SQSTM1: variants seen among roughly 807,000 people sequenced by gnomAD.
The protein encoded by SQSTM1 is sequestosome 1, also known as sequestosome-1.
A neutral mutation model predicts 45.1 loss-of-function variants in SQSTM1; 36 were observed. The ratio of observed to expected loss-of-function variants is 0.80; its 90% CI spans 0.61 to 1.05. SQSTM1 has a LOEUF of 1.05. Ranked by LOEUF, SQSTM1 falls within the 50% of genes least tolerant of loss-of-function variation. The pLI is 0.00. For missense variants in SQSTM1, 617 were observed against 607.1 expected (o/e 1.02, Z -0.17); for synonymous variants, 290 against 244.3 (o/e 1.19, Z -1.74).
upstream of SQSTM1, among the ~76,000 whole-genome samples, chr5:179,814,288 G>A (rs1294233397): frequency 6.6e-6 from 1 of 152,202 alleles, no homozygotes; most frequent in East Asian, 1.9e-4. Flanking sequence ...GGTCAGAGGG[G>A]TAGGGAATGG....
chr5:179,816,621 A>G (rs1757587115), upstream of SQSTM1, among the ~76,000 whole-genome samples: 1 of 152,184 alleles, frequency 6.6e-6, no homozygotes, highest in Non-Finnish European at 1.5e-5. Context: ...AGAGAAGGCC[A>G]TGCCGACCTC....
intron 7 of SQSTM1, among the ~76,000 whole-genome samples, chr5:179,834,932 CG>C (rs1171332126): frequency 6.6e-6 from 1 of 152,162 alleles, no homozygotes; most frequent in Non-Finnish European, 1.5e-5. Context: ...ACCTCCCAGA[CG>C]GGGTGGTGGC....
chr5:179,821,068 C>G lies in SQSTM1; in HGVS notation c.132C>G (p.Cys44Trp). Reference protein sequence around the residue: ...EAEAAAGPGPCERLLSRVAAL... With the variant: ...EAEAAAGPGPWERLLSRVAAL... The stretch of plus-strand genomic sequence containing the variant: ...AGGCTGCGGCGGGTCCGGGACCCTG[C>G]GAGCGGCTGCTGAGCCGGGTGGCCG... The change falls in exon 1 of 8, where the codon TGC becomes TGG. Residue 44 changes from cysteine to tryptophan, a missense_variant. By Grantham distance (215) the Cys-to-Trp change is radical. Coordinates refer to ENST00000389805, the MANE Select transcript of SQSTM1 (RefSeq NM_003900.5). 1 of 1,487,052 alleles carries G rather than the reference C, an allele frequency of 6.7e-7. No individual in the cohort carries two copies. 92.1% of individuals were successfully genotyped at this position (1,487,052 alleles called of 1,614,324 possible).
chr5:179,810,026 T>A (rs948999275), intron 1 of SQSTM1, among the ~76,000 whole-genome samples: 12 of 152,054 alleles, frequency 7.9e-5, no homozygotes, highest in Non-Finnish European at 1.5e-5. Context: ...TCAGGTGATC[T>A]GCTCACTTTG....
At chr5:179,811,607 C>A (rs998385560) in exon 2 of SQSTM1, 18 of 152,182 alleles carry the variant, frequency 1.2e-4, no homozygotes, top group Non-Finnish European at 2.9e-5. Flanking sequence ...GGCCGCTGCA[C>A]AAGAACCTGG....
rs757212984 is a variant in SQSTM1, at chr5:179,836,543, G to T, written c.1273G>T (p.Gly425Ter). 6.2e-7 allele frequency: 1 copy of T among 1,614,156 alleles called. No homozygotes were observed. The highest frequency in any genetic ancestry group is 2.2e-5 in the East Asian group (1 of 44,880). Residue 425 changes from glycine to a stop codon, truncating the protein, a stop_gained, in exon 8 of 8, where the codon GGA (glycine) becomes TGA (stop). Coordinates refer to ENST00000389805, the MANE Select transcript of SQSTM1 (RefSeq NM_003900.5). LOFTEE classifies it high-confidence loss of function. ...RLLQTKNYDI[G>*]AALDTIQYSK... ...CCTGCAGACCAAGAACTATGACATC[G>T]GAGCGGCTCTGGACACCATCCAGTA...
At position 179,829,000 on chromosome 5, in the gene SQSTM1, C is replaced by T. The variant is rs140441731; in HGVS notation, c.754+3774C>T. 1.5e-3 allele frequency among the ~76,000 whole-genome samples: 223 copies of T among 151,770 alleles called. 2 individuals carry two copies. The highest frequency in any genetic ancestry group is 5.0e-3 in the African/African-American group (208 of 41,326). ...CCATCTGTTCAGGTACCAGGAAAGG[C>T]AAGAGGTGGGAGTGATCGGGGGACA... On this transcript the variant is annotated intron_variant, in intron 5 of 7. Coordinates refer to ENST00000389805, the MANE Select transcript of SQSTM1 (RefSeq NM_003900.5).
intron 2 of SQSTM1, chr5:179,823,602 G>GGATGGGGTCTGGT (rs1757873731): frequency 1.8e-6 from 1 of 566,674 alleles, no homozygotes; most frequent in Non-Finnish European, 3.2e-6. Context: ...TTGGGTGAAG[G>GGATGGGGTCTGGT]GCAAGGCCAA....
At chr5:179,809,366 T>A (rs1446366737) in intron 1 of SQSTM1, among the ~76,000 whole-genome samples, 1 of 120,738 alleles carries the variant, frequency 8.3e-6, no homozygotes, top group Non-Finnish European at 1.6e-5. Flanking sequence ...AGACAGAGTC[T>A]CGCTATGTCG....
In SQSTM1 at chr5:179,837,940, G is replaced by A; in HGVS notation, c.*1347G>A. 1 of 1,542,284 alleles carries A rather than the reference G, an allele frequency of 6.5e-7. No individual in the cohort carries two copies. The highest frequency in any genetic ancestry group is 1.2e-5 in the South Asian group (1 of 85,176). On this transcript the variant is annotated 3_prime_UTR_variant, in exon 8 of 8. Transcript: ENST00000389805. ...GTGTAAGAACAATGCCAGGGCCCAGGAGGACCGCCTGCCCTGCCTGGGCCT... is the reference window on the plus strand; with the variant it reads ...GTGTAAGAACAATGCCAGGGCCCAGAAGGACCGCCTGCCCTGCCTGGGCCT...
In SQSTM1 at chr5:179,821,064, C is replaced by T; in HGVS notation, c.128C>T (p.Pro43Leu). Residue 43 changes from proline to leucine, a missense_variant, in exon 1 of 8, where the codon CCC (proline) becomes CTC (leucine). Coordinates refer to ENST00000389805, the MANE Select transcript of SQSTM1 (RefSeq NM_003900.5). ...GCCGAGGCTGCGGCGGGTCCGGGAC[C>T]CTGCGAGCGGCTGCTGAGCCGGGTG... ...AEAEAAAGPG[P>L]CERLLSRVAA... is the part of the protein sequence containing the mutation. The T allele has an allele frequency of 1.3e-6, 2 of 1,494,944 alleles. No individual in the cohort carries two copies. Among genetic ancestry groups the T allele is most frequent in the South Asian group, 2.5e-5 (2 of 80,524 alleles). The allele number at this position is 1,494,944 out of a possible 1,614,324, so 92.6% of individuals were successfully genotyped here. A position where few individuals can be genotyped will look rare whatever the true frequency, so the allele number is the denominator to read the frequency against.
upstream of SQSTM1, among the ~76,000 whole-genome samples, chr5:179,817,858 A>C (rs1392202143): frequency 6.6e-6 from 1 of 151,882 alleles, no homozygotes; most frequent in Non-Finnish European, 1.5e-5. Context: ...AAAATACAAA[A>C]ATTAGCAAGG....
At chr5:179,834,352 T>C (rs1361451728) in intron 7 of SQSTM1, among the ~76,000 whole-genome samples, 1 of 152,160 alleles carries the variant, frequency 6.6e-6, no homozygotes, top group Non-Finnish European at 1.5e-5. Flanking sequence ...GTGTCTTCTC[T>C]GCCTTAGGGC....
intron 5 of SQSTM1, among the ~76,000 whole-genome samples, chr5:179,826,458 C>T (rs533805479): frequency 7.9e-5 from 12 of 150,992 alleles, no homozygotes; most frequent in Non-Finnish European, 1.5e-4. Flanking sequence ...TGAACCACTG[C>T]GCCTGGCCTT....
intron 1 of SQSTM1, chr5:179,822,422 A>G (rs1443468392): frequency 4.7e-6 from 1 of 211,212 alleles, no homozygotes; most frequent in Non-Finnish European, 9.9e-6. Flanking sequence ...CTTTAAAGCC[A>G]TTTCAGCTCA....
Position 179,837,160 on chromosome 5 carries a change from C to T in SQSTM1, c.*567C>T. On this transcript the variant is annotated 3_prime_UTR_variant, in exon 8 of 8. Transcript: ENST00000389805. ...CTTCACCACTGTAGTTCTCTCATTT[C>T]CAAACCATCAGCTGCTTTTAAAATA... The T allele has an allele frequency of 6.8e-7, 1 of 1,461,444 alleles. No homozygotes were observed. The allele number at this position is 1,461,444 out of a possible 1,614,324, so 90.5% of individuals were successfully genotyped here.
rs769882808 is a variant in SQSTM1, at chr5:179,837,225, C to CTAAT, written c.*636_*639dup. ...CCATCCTGTTAAATTTGTAAACAAT[C>CTAAT]TAATTAAATGGCATCAGCACTTTAA... On this transcript the variant is annotated 3_prime_UTR_variant, in exon 8 of 8. Transcript: ENST00000389805. The CTAAT allele has an allele frequency of 1.3e-6, 2 of 1,590,640 alleles. No homozygotes were observed. Among genetic ancestry groups the CTAAT allele is most frequent in the Non-Finnish European group, 1.7e-6 (2 of 1,174,046 alleles).
upstream of SQSTM1, among the ~76,000 whole-genome samples, chr5:179,816,525 C>T (rs555747224): frequency 4.6e-5 from 7 of 152,232 alleles, no homozygotes; most frequent in Non-Finnish European, 7.3e-5. Flanking sequence ...AGCCCCTCCA[C>T]GGGATCCCAC....
intron 5 of SQSTM1, among the ~76,000 whole-genome samples, chr5:179,831,259 C>T (rs941751717): frequency 5.9e-5 from 9 of 152,206 alleles, no homozygotes; most frequent in East Asian, 1.9e-4. Context: ...GCACAGCAAG[C>T]GGCACTCTCT....
Sources: allele counts gnomAD v4.1 joint callset (sites outside exome capture counted in the v4.1 genomes callset), GRCh38; gene constraint gnomAD v4.1.1; transcripts MANE v1.5; gene names NCBI Gene and HGNC (gene_info 2026-07-23, HGNC 2026-07-21).